Variants in GRM7 observed in about 807,000 individuals in gnomAD.
GRM7 encodes the protein metabotropic glutamate receptor 7.
Under a neutral mutation model 84.5 loss-of-function variants are expected in GRM7, and 35 were observed. That is an observed-to-expected ratio of 0.41 (90% CI 0.32 to 0.55). The LOEUF is 0.55. Ranked by LOEUF, GRM7 falls within the 20% of genes least tolerant of loss-of-function variation. GRM7 has a pLI of 0.19. For missense variants in GRM7, 1,003 were observed against 1,194.6 expected (o/e 0.84, Z 2.36); for synonymous variants, 487 against 455.1 (o/e 1.07, Z -0.89).
chr3:7,185,401 A>G (rs563630635), intron 2 of GRM7, among the ~76,000 whole-genome samples: 90 of 152,108 alleles, frequency 5.9e-4, no homozygotes, highest in Non-Finnish European at 1.1e-3. Flanking sequence ...GCTGATTACA[A>G]ACCTCAAAGA....
At chr3:7,613,229 T>A (rs1207927070) in intron 8 of GRM7, among the ~76,000 whole-genome samples, 1 of 152,208 alleles carries the variant, frequency 6.6e-6, no homozygotes, top group African/African-American at 2.4e-5. Flanking sequence ...ATAGTAAACA[T>A]ATAAATAGTG....
intron 9 of GRM7, among the ~76,000 whole-genome samples, chr3:7,686,712 TG>T (rs1448795351): frequency 1.3e-5 from 2 of 152,204 alleles, no homozygotes; most frequent in Non-Finnish European, 2.9e-5. Flanking sequence ...GAACTGTTGC[TG>T]GTCATTCCGA....
chr3:7,136,330 C>T (rs543715125), intron 1 of GRM7, among the ~76,000 whole-genome samples: 1 of 151,894 alleles, frequency 6.6e-6, no homozygotes, highest in East Asian at 1.9e-4. Flanking sequence ...AGGGCAGAAA[C>T]TGCCTCTTTA....
At chr3:7,227,456 C>A (rs957474996) in intron 2 of GRM7, among the ~76,000 whole-genome samples, 1 of 152,198 alleles carries the variant, frequency 6.6e-6, no homozygotes, top group Admixed American at 6.5e-5. Context: ...AAGGTAGCCA[C>A]AATGAGCTCA....
intron 1 of GRM7, among the ~76,000 whole-genome samples, chr3:6,921,390 G>A (rs1484476875): frequency 6.6e-6 from 1 of 152,150 alleles, no homozygotes; most frequent in African/African-American, 2.4e-5. Flanking sequence ...GTTTCAATAA[G>A]CCAAGTCCTT....
At chr3:6,986,393 A>G (rs1694412374) in intron 1 of GRM7, among the ~76,000 whole-genome samples, 1 of 144,778 alleles carries the variant, frequency 6.9e-6, no homozygotes, top group African/African-American at 2.7e-5. Flanking sequence ...CCTCAATAAA[A>G]TGAAAATGAA....
chr3:7,740,276 C>T, intron 9 of GRM7, 81 bp from the exon 10 acceptor site: 1 of 899,284 alleles, frequency 1.1e-6, no homozygotes, highest in Non-Finnish European at 1.8e-6. Flanking sequence ...CTTTGCACCT[C>T]AAGTGAAAAG....
At chr3:7,597,304 C>A (rs1232509430) in intron 8 of GRM7, among the ~76,000 whole-genome samples, 1 of 152,092 alleles carries the variant, frequency 6.6e-6, no homozygotes, top group Admixed American at 6.6e-5. Flanking sequence ...AAAGACAGCA[C>A]CAAGCCATGA....
chr3:7,712,954 T>C (rs1411320473), intron 9 of GRM7, among the ~76,000 whole-genome samples: 1 of 152,004 alleles, frequency 6.6e-6, no homozygotes, highest in Non-Finnish European at 1.5e-5. Flanking sequence ...CTTCCCCCTC[T>C]GTGTCTACCT....
intron 1 of GRM7, among the ~76,000 whole-genome samples, chr3:6,924,618 T>G (rs1697236589): frequency 1.3e-5 from 2 of 152,188 alleles, no homozygotes; most frequent in Admixed American, 1.3e-4. Flanking sequence ...CACAGGGTAG[T>G]TCTGCTTCTT....
chr3:6,916,126 T>C (rs922982092), intron 1 of GRM7, among the ~76,000 whole-genome samples: 1 of 152,186 alleles, frequency 6.6e-6, no homozygotes, highest in Non-Finnish European at 1.5e-5. Flanking sequence ...TTTTTGTGCA[T>C]TCAGCAAATT....
At chr3:7,052,328 C>A (rs1409985199) in intron 1 of GRM7, among the ~76,000 whole-genome samples, 2 of 151,630 alleles carry the variant, frequency 1.3e-5, no homozygotes, top group Non-Finnish European at 3.0e-5. Flanking sequence ...TTGAGAATTG[C>A]CCAAATCTAA....
chr3:7,487,110 G>A (rs1286377604), intron 7 of GRM7, among the ~76,000 whole-genome samples: 3 of 152,084 alleles, frequency 2.0e-5, no homozygotes, highest in South Asian at 2.1e-4. Flanking sequence ...CCTGTCCTAG[G>A]GCTTTATGGA....
Position 7,741,256 on chromosome 3 carries a change from A to G in GRM7, c.*850A>G, listed in dbSNP as rs1226773160. The G allele has an allele frequency of 6.6e-6, 1 of 152,572 alleles. No individual in the cohort carries two copies. The highest frequency in any genetic ancestry group is 1.5e-5 in the Non-Finnish European group (1 of 68,030). 9.5% of individuals were successfully genotyped at this position (152,572 alleles called of 1,614,324 possible). The stretch of plus-strand genomic sequence containing the variant: ...ATATGAATATTTTGCAATAATTTTA[A>G]TAATTATTAAGCTGTTTGAAGGAAA... On this transcript the variant is annotated 3_prime_UTR_variant, in exon 10 of 10. Transcript: ENST00000357716.
intron 9 of GRM7, 193 bp downstream of exon 9, chr3:7,680,488 T>G: frequency 1.7e-6 from 1 of 595,128 alleles, no homozygotes; most frequent in Non-Finnish European, 2.9e-6. Context: ...TGTTCCTTGT[T>G]GGAAAGAAGC....
At chr3:7,719,796 ACACAC>A (rs1701882087) in intron 9 of GRM7, among the ~76,000 whole-genome samples, 1 of 149,538 alleles carries the variant, frequency 6.7e-6, no homozygotes, top group African/African-American at 2.5e-5. Context: ...ACACACACAC[ACACAC>A]ACACACACAC....
chr3:7,424,256 G>A (rs935897420), intron 5 of GRM7, among the ~76,000 whole-genome samples: 1 of 151,766 alleles, frequency 6.6e-6, no homozygotes, highest in Non-Finnish European at 1.5e-5. Context: ...TGTCTTTGTT[G>A]ATAGTGGTGA....
chr3:7,450,762 C>T (rs1425109448), intron 5 of GRM7, among the ~76,000 whole-genome samples: 7 of 151,796 alleles, frequency 4.6e-5, no homozygotes, highest in Non-Finnish European at 7.4e-5. Context: ...CCCTAGATCC[C>T]GTGACAGGCA....
intron 1 of GRM7, among the ~76,000 whole-genome samples, chr3:7,045,324 C>A (rs1205729299): frequency 6.6e-6 from 1 of 152,068 alleles, no homozygotes; most frequent in Non-Finnish European, 1.5e-5. Context: ...CTGCATTTGC[C>A]TGGGCAACAA....
Sources: allele counts gnomAD v4.1 joint callset (sites outside exome capture counted in the v4.1 genomes callset), GRCh38; gene constraint gnomAD v4.1.1; transcripts MANE v1.5; gene names NCBI Gene and HGNC (gene_info 2026-07-23, HGNC 2026-07-21).